SLC1A1: variants seen among roughly 807,000 people sequenced by gnomAD.
The protein encoded by SLC1A1 is excitatory amino acid transporter 3.
Under a neutral mutation model 53.3 loss-of-function variants are expected in SLC1A1, and 43 were observed. The ratio of observed to expected loss-of-function variants is 0.81; its 90% CI spans 0.63 to 1.04. SLC1A1 has a LOEUF of 1.04. SLC1A1 is among the 50% of genes least tolerant of loss of function. The pLI, the probability that SLC1A1 is intolerant of heterozygous loss-of-function variation, is 0.00. For missense variants in SLC1A1, 748 were observed against 664.9 expected, an observed-to-expected ratio of 1.12 and a Z score of -1.37; for synonymous variants, 307 against 243.2, an observed-to-expected ratio of 1.26 and a Z score of -2.44.
chr9:4,522,331 G>A (rs1285008129), intron 1 of SLC1A1, among the ~76,000 whole-genome samples: 1 of 152,074 alleles, frequency 6.6e-6, no homozygotes, highest in East Asian at 1.9e-4. Flanking sequence ...GATTACAGGT[G>A]TGAGCCACCA....
chr9:4,586,810 G>C lies in SLC1A1; in HGVS notation c.*1252G>C, dbSNP rs1451701114. 1.4e-4 allele frequency: 21 copies of C among 152,154 alleles called. No individual in the cohort carries two copies. The highest frequency in any genetic ancestry group is 3.1e-4 in the Non-Finnish European group (21 of 68,028). The allele number at this position is 152,154 out of a possible 1,614,324, so 9.4% of individuals were successfully genotyped here. On this transcript the variant is annotated 3_prime_UTR_variant, in exon 12 of 12. Transcript: ENST00000262352. ...TCCCACGACATAAGCTGGTATCAGT[G>C]GTTCGGGGGAAATAGTTCCATTCTA...
chr9:4,554,930 T>C (rs911792465), intron 2 of SLC1A1, among the ~76,000 whole-genome samples: 1 of 152,236 alleles, frequency 6.6e-6, no homozygotes, highest in Non-Finnish European at 1.5e-5. Flanking sequence ...ATGCAGGCTA[T>C]TTACTAAGAA....
chr9:4,564,338 C>T lies in SLC1A1; in HGVS notation c.326-6C>T. On this transcript the variant is annotated splice_region_variant and splice_polypyrimidine_tract_variant and intron_variant, in intron 3 of 11. Coordinates refer to ENST00000262352, the MANE Select transcript of SLC1A1 (RefSeq NM_004170.6). ...AATGCTCTGTGGACGCTGTTCTTGG[C>T]CACAGGTATTGTGCTGGTGGTGAGC... 6.2e-7 allele frequency: 1 copy of T among 1,605,592 alleles called. No homozygotes were observed. Among genetic ancestry groups the T allele is most frequent in the Non-Finnish European group, 8.5e-7 (1 of 1,173,250 alleles).
chr9:4,581,773 T>C (rs191250942), intron 10 of SLC1A1, among the ~76,000 whole-genome samples: 6 of 152,230 alleles, frequency 3.9e-5, no homozygotes, highest in Admixed American at 6.5e-5. Flanking sequence ...CCCAGAAATC[T>C]CTAATTTACT....
chr9:4,494,422 T>C (rs911752706), intron 1 of SLC1A1, among the ~76,000 whole-genome samples: 3 of 152,170 alleles, frequency 2.0e-5, no homozygotes, highest in African/African-American at 4.8e-5. Context: ...AGAAAATTAA[T>C]ATTTTCTTAT....
chr9:4,576,052 A>G lies in SLC1A1; in HGVS notation c.927A>G (p.Val309=). The G allele has an allele frequency of 6.2e-7, 1 of 1,613,714 alleles. No individual in the cohort carries two copies. The highest frequency in any genetic ancestry group is 8.5e-7 in the Non-Finnish European group (1 of 1,179,546). Residue 309 remains valine (V), a synonymous_variant, in exon 9 of 12, where the codon GTA becomes GTG. Coordinates refer to ENST00000262352, the MANE Select transcript of SLC1A1 (RefSeq NM_004170.6). The stretch of plus-strand genomic sequence containing the variant: ...TCCCGCTGATATATTTCATAGTCGT[A>G]CGAAAGAACCCTTTCCGATTTGCCA... ...VILPLIYFIV[V]RKNPFRFAMG...
At chr9:4,516,856 G>C (rs1821177626) in intron 1 of SLC1A1, among the ~76,000 whole-genome samples, 1 of 152,070 alleles carries the variant, frequency 6.6e-6, no homozygotes, top group Non-Finnish European at 1.5e-5. Context: ...TGGCATTCAA[G>C]GGCTTTCATG....
chr9:4,508,340 T>G (rs1334626969), intron 1 of SLC1A1, among the ~76,000 whole-genome samples: 1 of 152,208 alleles, frequency 6.6e-6, no homozygotes, highest in Non-Finnish European at 1.5e-5. Context: ...GATACACCTG[T>G]GGGAGAGTGA....
intron 10 of SLC1A1, among the ~76,000 whole-genome samples, chr9:4,578,081 A>G (rs889527687): frequency 2.0e-5 from 3 of 152,222 alleles, no homozygotes; most frequent in African/African-American, 7.2e-5. Flanking sequence ...AATAGTAAAT[A>G]CTTTTTGACA....
At chr9:4,526,545 C>G (rs1019109871) in intron 1 of SLC1A1, among the ~76,000 whole-genome samples, 1 of 151,930 alleles carries the variant, frequency 6.6e-6, no homozygotes, top group African/African-American at 2.4e-5. Flanking sequence ...TGCAATGGAC[C>G]CTCAACCATA....
rs539865920 is a variant in SLC1A1 at position 4,537,599 on chromosome 9, A to T, written c.92-6968A>T. 2.1e-4 allele frequency among the ~76,000 whole-genome samples: 6 copies of T among 28,240 alleles called. 1 individual carries two copies. The highest frequency in any genetic ancestry group is 1.7e-3 in the East Asian group (5 of 2,978). The allele number at this position is 28,240 out of a possible 152,430, so 18.5% of individuals were successfully genotyped here. A position where few individuals can be genotyped will look rare whatever the true frequency, so the allele number is the denominator to read the frequency against. On this transcript the variant is annotated intron_variant, in intron 1 of 11. Transcript: ENST00000262352. ...AAAATAAAATAAAATAAAATAAAAT[A>T]AAAAAAAAAAAAATCACATGCTACA...
At chr9:4,541,120 G>C (rs1025117185) in intron 1 of SLC1A1, among the ~76,000 whole-genome samples, 1 of 152,168 alleles carries the variant, frequency 6.6e-6, no homozygotes, top group Non-Finnish European at 1.5e-5. Flanking sequence ...GTTTACTTTT[G>C]AGAATTCCTT....
At chr9:4,503,004 G>A (rs1347481012) in intron 1 of SLC1A1, among the ~76,000 whole-genome samples, 1 of 151,734 alleles carries the variant, frequency 6.6e-6, no homozygotes, top group Non-Finnish European at 1.5e-5. Context: ...TTGCTCAAAT[G>A]TTTCACTCAC....
chr9:4,506,592 G>A (rs115320529), intron 1 of SLC1A1, among the ~76,000 whole-genome samples: 2,613 of 151,300 alleles, frequency 0.017, 58 homozygotes, highest in African/African-American at 0.06. Context: ...AGAAATCTAC[G>A]TCTACTTTTG....
At chr9:4,522,375 C>A (rs1816110489) in intron 1 of SLC1A1, among the ~76,000 whole-genome samples, 1 of 152,038 alleles carries the variant, frequency 6.6e-6, no homozygotes, top group Non-Finnish European at 1.5e-5. Flanking sequence ...AACAAGACCC[C>A]AAGGTGATTC....
At chr9:4,557,379 T>C (rs1015471660) in intron 2 of SLC1A1, among the ~76,000 whole-genome samples, 16 of 152,258 alleles carry the variant, frequency 1.1e-4, no homozygotes, top group African/African-American at 3.9e-4. Context: ...AGCTATAGTT[T>C]GTTCATTCGA....
chr9:4,497,817 T>TA (rs1055304959), intron 1 of SLC1A1, among the ~76,000 whole-genome samples: 3 of 152,164 alleles, frequency 2.0e-5, no homozygotes, highest in Admixed American at 6.6e-5. Flanking sequence ...TTTTAATTTT[T>TA]AAAAAAGTAT....
At chr9:4,553,369 T>TTC (rs1818100157) in intron 2 of SLC1A1, 1 of 148,768 alleles carries the variant, frequency 6.7e-6, no homozygotes, top group Admixed American at 6.8e-5. Context: ...CGCTTCTTTT[T>TTC]TTTTTTTTTT....
At position 4,576,761 on chromosome 9, in the gene SLC1A1, C is replaced by G. The variant is rs1180909938; in HGVS notation, c.1191C>G (p.Ile397Met). ...TGGGCATTGGGCAGATCATCACCAT[C>G]AGGTGGGGCATGGTGTCACATTCAT... ...LDLGIGQIIT[I>M]SITATSASIG... Residue 397 changes from isoleucine to methionine, a missense_variant and splice_region_variant, in exon 10 of 12, where the codon ATC (isoleucine) becomes ATG (methionine). Coordinates refer to ENST00000262352, the MANE Select transcript of SLC1A1 (RefSeq NM_004170.6). 6.2e-6 allele frequency: 10 copies of G among 1,613,170 alleles called. No individual in the cohort carries two copies. The highest frequency in any genetic ancestry group is 8.5e-6 in the Non-Finnish European group (10 of 1,179,468).
Sources: gnomAD v4.1 joint callset for allele counts (sites outside exome capture counted in the v4.1 genomes callset) on GRCh38, gnomAD v4.1.1 for gene constraint, MANE v1.5 for transcripts, NCBI Gene and HGNC (gene_info 2026-07-23, HGNC 2026-07-21) for gene names.